Variants in PAQR3 observed in about 807,000 individuals in gnomAD.
The protein encoded by PAQR3 is Raf kinase trapping to Golgi.
In PAQR3, 39 loss-of-function variants were observed where a neutral mutation model predicts 41.7. The observed-to-expected ratio is 0.93, with a 90% CI of 0.72 to 1.22. The LOEUF (loss-of-function observed/expected upper bound fraction) is 1.22. PAQR3 is among the 50% of genes most tolerant of loss of function. PAQR3 has a pLI of 0.00. For synonymous variants in PAQR3, 140 were observed against 140.6 expected, an observed-to-expected ratio of 1.00 and a Z score of 0.03; for missense variants, 366 against 385.6, an observed-to-expected ratio of 0.95 and a Z score of 0.42.
intron 1 of PAQR3, 45 bp from the exon 2 acceptor site, chr4:78,935,328 T>G (rs759326944): frequency 1.3e-6 from 2 of 1,561,152 alleles, no homozygotes; most frequent in East Asian, 4.5e-5. Flanking sequence ...ATTGGCCAAC[T>G]TACTGTCACG....
downstream of PAQR3, chr4:78,887,076 TTTAA>T: frequency 1.2e-6 from 1 of 848,880 alleles, no homozygotes. Context: ...AGGCTGGTGC[TTTAA>T]TTTTCACTTT....
intron 11 of PAQR3, among the ~76,000 whole-genome samples, chr4:78,895,567 G>T (rs952633567): frequency 6.6e-6 from 1 of 151,938 alleles, no homozygotes; most frequent in Non-Finnish European, 1.5e-5. Context: ...AAAAAAAGAG[G>T]TAATGAAATA....
chr4:78,893,967 CA>C (rs1335826884), intron 11 of PAQR3, among the ~76,000 whole-genome samples: 5 of 152,304 alleles, frequency 3.3e-5, no homozygotes, highest in African/African-American at 9.6e-5. Flanking sequence ...ACTTCTCCAT[CA>C]GAGCTCTTGG....
intron 11 of PAQR3, chr4:78,898,947 C>G (rs1245881467): frequency 2.6e-5 from 4 of 152,210 alleles, no homozygotes; most frequent in Non-Finnish European, 5.9e-5. Flanking sequence ...CTGCAATGCA[C>G]TATGCTGATC....
intron 11 of PAQR3, among the ~76,000 whole-genome samples, chr4:78,890,404 GCA>G (rs149825379): frequency 0.11 from 15,539 of 147,738 alleles, 2,504 homozygotes; most frequent in African/African-American, 0.35. Context: ...ACAATCATGC[GCA>G]CACACACACA....
downstream of PAQR3, chr4:78,911,263 A>G: frequency 6.2e-7 from 1 of 1,614,020 alleles, no homozygotes. Context: ...TTTTAGCAAG[A>G]AGGTGAATGT....
intron 11 of PAQR3, among the ~76,000 whole-genome samples, chr4:78,896,364 T>G (rs1370020702): frequency 1.3e-5 from 2 of 152,222 alleles, no homozygotes; most frequent in African/African-American, 2.4e-5. Context: ...AAAAATTATA[T>G]GAGTAAATTC....
At chr4:78,903,660 A>G (rs534518982) in intron 11 of PAQR3, among the ~76,000 whole-genome samples, 5 of 152,058 alleles carry the variant, frequency 3.3e-5, no homozygotes, top group African/African-American at 1.2e-4. Context: ...ATAAAGCCTT[A>G]TAGTGTTTCT....
intron 11 of PAQR3, among the ~76,000 whole-genome samples, chr4:78,889,615 A>T (rs927076223): frequency 3.3e-5 from 5 of 152,224 alleles, no homozygotes; most frequent in African/African-American, 9.6e-5. Context: ...AGCTTTAGGA[A>T]AAAGTTGGAC....
intron 2 of PAQR3, chr4:78,933,336 C>G: frequency 2.2e-6 from 1 of 451,332 alleles, no homozygotes; most frequent in South Asian, 1.6e-5. Flanking sequence ...AATACAAATA[C>G]CCTGGGAAGG....
rs548252383 is a variant in PAQR3 at position 78,894,532 on chromosome 4, A to T, written c.*837-6384T>A. 3.9e-5 allele frequency among the ~76,000 whole-genome samples: 6 copies of T among 152,250 alleles called. No homozygotes were observed. The East Asian group carries it at 1.2e-3, about 29-fold the overall frequency. Reference sequence around the variant, plus strand: ...TCTCACTTCACTCAGCCTTCATAGGATTGAAGAGAGTTAGAGCCTTGCTCT... The same window carrying T: ...TCTCACTTCACTCAGCCTTCATAGGTTTGAAGAGAGTTAGAGCCTTGCTCT... On this transcript the variant is annotated intron_variant and NMD_transcript_variant, in intron 11 of 12. Coordinates refer to the PAQR3 transcript ENST00000342820.
chr4:78,910,572 C>T (rs763765234), downstream of PAQR3: 2 of 1,414,268 alleles, frequency 1.4e-6, no homozygotes, highest in Non-Finnish European at 1.9e-6. Flanking sequence ...TTCTGAAATG[C>T]ATTGGAATGC....
chr4:78,890,881 G>T (rs770618854), intron 11 of PAQR3, among the ~76,000 whole-genome samples: 1 of 152,118 alleles, frequency 6.6e-6, no homozygotes, highest in Non-Finnish European at 1.5e-5. Flanking sequence ...GAGAAAATAT[G>T]CATGAGAGGA....
chr4:78,891,705 C>G lies in PAQR3; in HGVS notation c.*837-3557G>C, dbSNP rs542755519. On this transcript the variant is annotated intron_variant and NMD_transcript_variant, in intron 11 of 12. Transcript: ENST00000342820. The stretch of plus-strand genomic sequence containing the variant: ...GATACTTTGGTTTTGCACATTTTGC[C>G]ACACCTTTTCTTCTCTTTTCTTTAT... Among the ~76,000 whole-genome samples the G allele has an allele frequency of 3.9e-5, 6 of 152,220 alleles. No homozygotes were observed. In the South Asian group the frequency reaches 1.2e-3, roughly 32 times the overall value.
intron 3 of PAQR3, among the ~76,000 whole-genome samples, chr4:78,928,799 T>C (rs553939011): frequency 1.3e-5 from 2 of 152,356 alleles, no homozygotes; most frequent in Admixed American, 1.3e-4. Context: ...ATTATTACAT[T>C]GTAATATATA....
rs1560569379 is a variant in PAQR3, at chr4:78,919,336, T to C, written c.*1203A>G. 1.0e-6 allele frequency: 1 copy of C among 983,184 alleles called. No homozygotes were observed. Among genetic ancestry groups the C allele is most frequent in the Non-Finnish European group, 1.2e-6 (1 of 828,024 alleles). The allele number at this position is 983,184 out of a possible 1,614,324, so 60.9% of individuals were successfully genotyped here. ...TGTAAGTTTTTATGAATGTCTACTTTAAGGGATTTAACTAATGCATATGAA... is the reference window on the plus strand; with the variant it reads ...TGTAAGTTTTTATGAATGTCTACTTCAAGGGATTTAACTAATGCATATGAA... On this transcript the variant is annotated 3_prime_UTR_variant, in exon 6 of 6. Coordinates refer to ENST00000512733, the MANE Select transcript of PAQR3 (RefSeq NM_001040202.2).
At chr4:78,934,256 T>G (rs1474981555) in intron 2 of PAQR3, among the ~76,000 whole-genome samples, 2 of 152,176 alleles carry the variant, frequency 1.3e-5, no homozygotes, top group Admixed American at 1.3e-4. Flanking sequence ...AGTCCAAAGT[T>G]TAAACTTGAG....
intron 3 of PAQR3, among the ~76,000 whole-genome samples, chr4:78,928,275 AAC>A (rs1361199654): frequency 6.6e-6 from 1 of 152,194 alleles, no homozygotes; most frequent in Non-Finnish European, 1.5e-5. Context: ...TAAAGATATA[AAC>A]AGTTTCATGC....
chr4:78,903,874 T>C (rs554198008), intron 11 of PAQR3, among the ~76,000 whole-genome samples: 6 of 151,974 alleles, frequency 3.9e-5, no homozygotes, highest in Non-Finnish European at 8.8e-5. Flanking sequence ...TTGCTGGTGA[T>C]AATATTCTAC....
Sources: allele counts gnomAD v4.1 joint callset (sites outside exome capture counted in the v4.1 genomes callset), GRCh38; gene constraint gnomAD v4.1.1; transcripts MANE v1.5; gene names NCBI Gene and HGNC (gene_info 2026-07-23, HGNC 2026-07-21).